Variants in COL21A1 observed in about 807,000 individuals in gnomAD.
COL21A1 encodes collagen type XXI alpha 1 chain.
A neutral mutation model predicts 137.9 loss-of-function variants in COL21A1; 149 were observed. The observed-to-expected ratio is 1.08, with a 90% confidence interval of 0.95 to 1.24. COL21A1 has a LOEUF of 1.24. Ranked by LOEUF, COL21A1 falls within the 50% of genes most tolerant of loss-of-function variation. The pLI is 0.00. For missense variants in COL21A1, 1,167 were observed against 1,158.4 expected, an observed-to-expected ratio of 1.01 and a Z score of -0.11; for synonymous variants, 456 against 391.5, an observed-to-expected ratio of 1.16 and a Z score of -1.95.
intron 12 of COL21A1, among the ~76,000 whole-genome samples, chr6:56,133,221 A>C (rs1455118002): frequency 6.6e-6 from 1 of 152,224 alleles, no homozygotes; most frequent in Non-Finnish European, 1.5e-5. Context: ...AATGACATGG[A>C]CAATGAAACC....
intron 1 of COL21A1, among the ~76,000 whole-genome samples, chr6:56,308,259 T>C (rs1361610941): frequency 1.3e-5 from 2 of 152,226 alleles, no homozygotes; most frequent in African/African-American, 4.8e-5. Context: ...TCCATCTTCT[T>C]CCATCTTCTG....
chr6:56,344,769 G>T (rs1428300863), intron 1 of COL21A1, among the ~76,000 whole-genome samples: 1 of 152,042 alleles, frequency 6.6e-6, no homozygotes, highest in Non-Finnish European at 1.5e-5. Context: ...ATGAGATCTG[G>T]TTGTTTAAAA....
intron 1 of COL21A1, among the ~76,000 whole-genome samples, chr6:56,199,872 A>G (rs1259682384): frequency 1.3e-5 from 2 of 152,192 alleles, no homozygotes; most frequent in East Asian, 3.8e-4. Flanking sequence ...AAAACTAAAT[A>G]AGGAATCTGC....
intron 17 of COL21A1, among the ~76,000 whole-genome samples, chr6:56,096,122 C>T (rs1769300450): frequency 6.6e-6 from 1 of 150,632 alleles, no homozygotes; most frequent in Non-Finnish European, 1.5e-5. Context: ...GCTGGGATTA[C>T]AGGCATGGGC....
At chr6:56,219,259 T>A (rs1248425599) in intron 1 of COL21A1, among the ~76,000 whole-genome samples, 1 of 139,884 alleles carries the variant, frequency 7.1e-6, no homozygotes, top group Non-Finnish European at 1.5e-5. Flanking sequence ...CACTGTTTGG[T>A]GGTCTGCTGT....
In COL21A1 at chr6:56,120,201, GA is replaced by G. The variant is rs898023509; in HGVS notation, c.1758+3860del. ...TACAAAAATTTCAAAGGACTCTGTA[GA>G]AAAAAAATCCAATAATCTTATCAAA... is the stretch of plus-strand genomic sequence containing the variant. On this transcript the variant is annotated intron_variant, in intron 16 of 29. Transcript: ENST00000244728. Among the ~76,000 whole-genome samples the G allele has an allele frequency of 5.3e-5, 8 of 151,862 alleles. No homozygotes were observed. In the East Asian group the frequency reaches 1.4e-3, roughly 26 times the overall value.
At chr6:56,182,944 T>C (rs1230054493) in intron 1 of COL21A1, among the ~76,000 whole-genome samples, 1 of 152,190 alleles carries the variant, frequency 6.6e-6, no homozygotes, top group Admixed American at 6.5e-5. Flanking sequence ...ATTTATCCTT[T>C]GGGCGTAGCC....
At chr6:56,373,126 G>C (rs902986700) in intron 1 of COL21A1, among the ~76,000 whole-genome samples, 1 of 152,156 alleles carries the variant, frequency 6.6e-6, no homozygotes, top group Admixed American at 6.5e-5. Flanking sequence ...TCAGTGTCAG[G>C]TCTGTGGGCT....
At chr6:56,068,842 A>G in intron 22 of COL21A1, 1 of 452,122 alleles carries the variant, frequency 2.2e-6, no homozygotes, top group Non-Finnish European at 3.9e-6. Context: ...GTCTTCATCT[A>G]GGAGACAATA....
At chr6:56,286,802 T>G (rs1763924004) in intron 1 of COL21A1, among the ~76,000 whole-genome samples, 1 of 152,180 alleles carries the variant, frequency 6.6e-6, no homozygotes. Flanking sequence ...TAAAGTGATA[T>G]ACAAGTATGA....
intron 1 of COL21A1, among the ~76,000 whole-genome samples, chr6:56,383,494 G>T (rs1420482188): frequency 6.6e-6 from 1 of 152,126 alleles, no homozygotes; most frequent in Non-Finnish European, 1.5e-5. Context: ...ATGATTTTAT[G>T]TGTCACATTC....
At chr6:56,243,556 C>T (rs1303268754) in intron 1 of COL21A1, among the ~76,000 whole-genome samples, 7 of 152,110 alleles carry the variant, frequency 4.6e-5, no homozygotes, top group Non-Finnish European at 7.4e-5. Flanking sequence ...CAGCTTAAAG[C>T]ATTCATTAAG....
At chr6:56,163,386 G>C (rs56087119) in intron 9 of COL21A1, among the ~76,000 whole-genome samples, 4,233 of 152,284 alleles carry the variant, frequency 0.028, 173 homozygotes, top group African/African-American at 0.094. Flanking sequence ...CTGTGTCTAA[G>C]TGATGCCACA....
chr6:56,100,745 T>G (rs1562197351), intron 17 of COL21A1, among the ~76,000 whole-genome samples: 1 of 152,208 alleles, frequency 6.6e-6, no homozygotes, highest in Non-Finnish European at 1.5e-5. Flanking sequence ...AGTAGTTTAA[T>G]CCCTCTACCC....
At chr6:56,280,836 C>A (rs1045929938) in intron 1 of COL21A1, among the ~76,000 whole-genome samples, 1 of 151,858 alleles carries the variant, frequency 6.6e-6, no homozygotes, top group African/African-American at 2.4e-5. Flanking sequence ...CATGGTGAAA[C>A]CTCATCTCTA....
chr6:56,277,217 C>T (rs570636590), intron 1 of COL21A1, among the ~76,000 whole-genome samples: 1 of 152,158 alleles, frequency 6.6e-6, no homozygotes, highest in African/African-American at 2.4e-5. Flanking sequence ...CATATGTATA[C>T]ATGTGCCATG....
chr6:56,234,890 G>A (rs1781802087), intron 1 of COL21A1, among the ~76,000 whole-genome samples: 1 of 143,536 alleles, frequency 7.0e-6, no homozygotes, highest in Non-Finnish European at 1.5e-5. Context: ...TTAGCCAACT[G>A]ATCACTGCCC....
At chr6:56,148,338 C>CAGAGACAGAGAGAGAGAG (rs1554145109) in intron 10 of COL21A1, among the ~76,000 whole-genome samples, 1 of 133,176 alleles carries the variant, frequency 7.5e-6, no homozygotes, top group East Asian at 2.2e-4. Flanking sequence ...AGACAAGAGA[C>CAGAGACAGAGAGAGAGAG]AGAGAGAGAG....
chr6:56,312,738 A>G (rs1764640888), intron 1 of COL21A1, among the ~76,000 whole-genome samples: 1 of 152,158 alleles, frequency 6.6e-6, no homozygotes, highest in Admixed American at 6.5e-5. Context: ...ATTATAAGAC[A>G]CAAGGTTGCC....
Sources: allele counts gnomAD v4.1 joint callset (sites outside exome capture counted in the v4.1 genomes callset), GRCh38; gene constraint gnomAD v4.1.1; transcripts MANE v1.5; gene names NCBI Gene and HGNC (gene_info 2026-07-23, HGNC 2026-07-21).